The following PXYLP1 variants were observed in gnomAD, a reference collection of about 807,000 sequenced individuals.
PXYLP1 encodes the protein acid phosphatase-like 2.
In PXYLP1, 17 loss-of-function variants were observed where a neutral mutation model predicts 37.9. The observed-to-expected ratio is 0.45, with a 90% CI of 0.31 to 0.67. The LOEUF (loss-of-function observed/expected upper bound fraction) is 0.67, where lower values mean the gene tolerates loss of function less well. PXYLP1 is among the 30% of genes least tolerant of loss of function. The pLI is 0.07. For synonymous variants in PXYLP1, 221 were observed against 232.2 expected (o/e 0.95, Z 0.44); for missense variants, 511 against 612.0 (o/e 0.84, Z 1.74).
intron 2 of PXYLP1, 68 bp from the exon 3 acceptor site, chr3:141,278,274 C>T (rs1469320807): frequency 1.8e-5 from 29 of 1,568,708 alleles, no homozygotes; most frequent in Middle Eastern, 3.4e-4. Context: ...TCCAGCCCTG[C>T]GCTGGGCCTT....
chr3:141,282,981 T>A (rs941913525), intron 4 of PXYLP1, among the ~76,000 whole-genome samples: 3 of 151,938 alleles, frequency 2.0e-5, no homozygotes, highest in Non-Finnish European at 4.4e-5. Context: ...TAATTTTTTT[T>A]TTTTGAGACA....
At chr3:141,241,172 A>G (rs546338924) in intron 1 of PXYLP1, among the ~76,000 whole-genome samples, 1 of 152,300 alleles carries the variant, frequency 6.6e-6, no homozygotes, top group African/African-American at 2.4e-5. Flanking sequence ...ACTTCCTGCT[A>G]GTTTTCCTCA....
intron 2 of PXYLP1, among the ~76,000 whole-genome samples, chr3:141,277,179 T>G (rs1325485844): frequency 6.6e-6 from 1 of 152,210 alleles, no homozygotes; most frequent in East Asian, 1.9e-4. Flanking sequence ...TTTTAAATAT[T>G]TATGTAGAAG....
chr3:141,282,459 ATC>A (rs1310160629), intron 4 of PXYLP1, among the ~76,000 whole-genome samples: 2 of 148,348 alleles, frequency 1.3e-5, no homozygotes, highest in Non-Finnish European at 3.0e-5. Flanking sequence ...TTGCCACAGC[ATC>A]TGTTACTTTC....
chr3:141,258,004 C>T (rs1941303511), intron 1 of PXYLP1, among the ~76,000 whole-genome samples: 1 of 151,892 alleles, frequency 6.6e-6, no homozygotes, highest in South Asian at 2.1e-4. Context: ...TCCTACTGGC[C>T]TCTCCCACAA....
At chr3:141,274,000 C>A (rs1448625321) in intron 2 of PXYLP1, 3 of 985,734 alleles carry the variant, frequency 3.0e-6, no homozygotes, top group Non-Finnish European at 3.6e-6. Flanking sequence ...CTTTCTGATG[C>A]CCCCACAGCC....
At position 141,269,709 on chromosome 3, in the gene PXYLP1, C is replaced by T. The variant is rs557152382; in HGVS notation, c.80-8633C>T. ...AGGTTCTCAAAGATGAGGGTCATAA[C>T]CTTCATGACCCAAAAAGGTTAAGGA... On this transcript the variant is annotated intron_variant, in intron 2 of 5. Coordinates refer to ENST00000286353, the MANE Select transcript of PXYLP1 (RefSeq NM_001037172.3). Among the ~76,000 whole-genome samples, 13 of 152,300 alleles carry T rather than the reference C, an allele frequency of 8.5e-5. No individual in the cohort carries two copies. In the South Asian group the frequency reaches 2.5e-3, roughly 29 times the overall value.
rs1576607601 is a variant in PXYLP1 at position 141,287,547 on chromosome 3, C to G, written c.505+94C>G. 1.3e-5 allele frequency: 19 copies of G among 1,467,046 alleles called. No homozygotes were observed. In the East Asian group the frequency reaches 4.5e-4, roughly 35 times the overall value. 90.9% of individuals were successfully genotyped at this position (1,467,046 alleles called of 1,614,324 possible). A position where few individuals can be genotyped will look rare whatever the true frequency, so the allele number is the denominator to read the frequency against. On this transcript the variant is annotated intron_variant, in intron 5 of 5. Transcript: ENST00000286353. Reference sequence around the variant, plus strand: ...TTCTCCTGGGCGGGGTGCTGTGCAGCTCAGAGGGGGTAAGCAAGGACTGGC... The same window carrying G: ...TTCTCCTGGGCGGGGTGCTGTGCAGGTCAGAGGGGGTAAGCAAGGACTGGC...
At chr3:141,246,118 A>T (rs1182302821) in intron 1 of PXYLP1, among the ~76,000 whole-genome samples, 2 of 152,240 alleles carry the variant, frequency 1.3e-5, no homozygotes, top group East Asian at 3.9e-4. Context: ...ATGGGTTTGG[A>T]AAGCTTGGTG....
At chr3:141,243,714 T>C (rs971545004) in intron 1 of PXYLP1, among the ~76,000 whole-genome samples, 4 of 152,224 alleles carry the variant, frequency 2.6e-5, no homozygotes, top group African/African-American at 9.6e-5. Flanking sequence ...GTTCGGCAGG[T>C]GGATGGAGCT....
At chr3:141,284,792 C>A (rs927517382) in intron 4 of PXYLP1, among the ~76,000 whole-genome samples, 1 of 152,156 alleles carries the variant, frequency 6.6e-6, no homozygotes, top group Admixed American at 6.5e-5. Flanking sequence ...ACAGTTGAAT[C>A]TTCCAATGCA....
intron 1 of PXYLP1, among the ~76,000 whole-genome samples, chr3:141,248,749 GTATA>G (rs772983774): frequency 0.012 from 78 of 6,586 alleles, 13 homozygotes; most frequent in Non-Finnish European, 0.016. Context: ...ATATACACAC[GTATA>G]TATATACACA....
rs866720892 is a variant in PXYLP1, at chr3:141,293,452, G to A, written c.*247G>A. ...AGGTACTTTATCATAGCCAGACTTC[G>A]CTTAGAATGCCAGAATAATATAGTT... is the stretch of plus-strand genomic sequence containing the variant. On this transcript the variant is annotated 3_prime_UTR_variant, in exon 6 of 6. Coordinates refer to ENST00000286353, the MANE Select transcript of PXYLP1 (RefSeq NM_001037172.3). 1.2e-5 allele frequency: 6 copies of A among 504,424 alleles called. No homozygotes were observed. The highest frequency in any genetic ancestry group is 2.9e-5 in the South Asian group (1 of 35,040). The allele number at this position is 504,424 out of a possible 1,614,324, so 31.2% of individuals were successfully genotyped here.
At chr3:141,246,690 T>C (rs192974756) in intron 1 of PXYLP1, among the ~76,000 whole-genome samples, 2 of 152,346 alleles carry the variant, frequency 1.3e-5, no homozygotes, top group East Asian at 3.9e-4. Flanking sequence ...GCAGTGTTCT[T>C]GGCCCTGGGG....
At chr3:141,263,836 C>T (rs1169008603) in intron 2 of PXYLP1, among the ~76,000 whole-genome samples, 6 of 152,194 alleles carry the variant, frequency 3.9e-5, no homozygotes, top group African/African-American at 7.2e-5. Context: ...AACGGAGATA[C>T]GGGAAAACCC....
Position 141,294,252 on chromosome 3 carries a change from G to A in PXYLP1, c.*1047G>A. 1 of 152,146 alleles carries A rather than the reference G, an allele frequency of 6.6e-6. No homozygotes were observed. The highest frequency in any genetic ancestry group is 1.5e-5 in the Non-Finnish European group (1 of 68,024). The allele number at this position is 152,146 out of a possible 1,614,324, so 9.4% of individuals were successfully genotyped here. On this transcript the variant is annotated 3_prime_UTR_variant, in exon 6 of 6. Transcript: ENST00000286353. The stretch of plus-strand genomic sequence containing the variant: ...TTCAATTTGCTGTACCTGCTTGGTG[G>A]TTAGAAGGAGGCTAGAAGATGAATT...
intron 2 of PXYLP1, among the ~76,000 whole-genome samples, chr3:141,270,647 G>A (rs1941639384): frequency 6.6e-6 from 1 of 152,246 alleles, no homozygotes; most frequent in South Asian, 2.1e-4. Flanking sequence ...CAGGACTGGG[G>A]GTGTTTTAGC....
chr3:141,248,549 A>G (rs751407351), intron 1 of PXYLP1, among the ~76,000 whole-genome samples: 5 of 148,394 alleles, frequency 3.4e-5, no homozygotes, highest in Admixed American at 2.0e-4. Flanking sequence ...ACACACGTAT[A>G]TATACACACG....
chr3:141,281,809 T>C (rs1941962995), intron 4 of PXYLP1, among the ~76,000 whole-genome samples: 1 of 152,066 alleles, frequency 6.6e-6, no homozygotes, highest in African/African-American at 2.4e-5. Context: ...GCTTGGCACA[T>C]TGGGGCCCTC....
Sources: allele counts gnomAD v4.1 joint callset (sites outside exome capture counted in the v4.1 genomes callset), GRCh38; gene constraint gnomAD v4.1.1; transcripts MANE v1.5; gene names NCBI Gene and HGNC (gene_info 2026-07-23, HGNC 2026-07-21).